Variants in CLSTN2 observed in about 807,000 individuals in gnomAD.
The protein encoded by CLSTN2 is calsyntenin 2.
Under a neutral mutation model 101.2 loss-of-function variants are expected in CLSTN2, and 48 were observed. The observed-to-expected ratio is 0.47, with a 90% CI of 0.38 to 0.60. The LOEUF (loss-of-function observed/expected upper bound fraction) is 0.60. Ranked by LOEUF, CLSTN2 falls within the 20% of genes least tolerant of loss-of-function variation. The pLI, the probability that CLSTN2 is intolerant of heterozygous loss-of-function variation, is 0.00. For synonymous variants in CLSTN2, 481 were observed against 463.6 expected (o/e 1.04, Z -0.48); for missense variants, 1,160 against 1,238.2 (o/e 0.94, Z 0.95).
At chr3:140,055,469 G>A (rs903956551) in intron 1 of CLSTN2, among the ~76,000 whole-genome samples, 4 of 152,134 alleles carry the variant, frequency 2.6e-5, no homozygotes, top group Non-Finnish European at 5.9e-5. Flanking sequence ...TTTTACATTC[G>A]AGTTTTGCCA....
chr3:140,094,786 C>T (rs148230398), intron 1 of CLSTN2, among the ~76,000 whole-genome samples: 315 of 152,302 alleles, frequency 2.1e-3, no homozygotes, highest in African/African-American at 7.3e-3. Context: ...TGTCAGGGGG[C>T]TCTCCTTGAA....
Position 140,546,512 on chromosome 3 carries a change from CAGG to C in CLSTN2, c.1511_1513del (p.Gly504del), listed in dbSNP as rs1935586811. On this transcript the variant is annotated splice_acceptor_variant and coding_sequence_variant, in exon 10 of 17. Coordinates refer to ENST00000458420, the MANE Select transcript of CLSTN2 (RefSeq NM_022131.3). LOFTEE classifies it high-confidence loss of function. ...GGGCAAATGATGGTGTTTGTTTTTT[CAGG>C]AGGAGAAGTCACCAAACCACAGTTT... 8 of 1,612,132 alleles carry C rather than the reference CAGG, an allele frequency of 5.0e-6. No individual in the cohort carries two copies. Among genetic ancestry groups the C allele is most frequent in the African/African-American group, 1.3e-5 (1 of 74,744 alleles).
intron 1 of CLSTN2, among the ~76,000 whole-genome samples, chr3:140,003,949 A>G (rs955115025): frequency 1.3e-5 from 2 of 152,176 alleles, no homozygotes; most frequent in Non-Finnish European, 2.9e-5. Flanking sequence ...TTATTGATCA[A>G]ATTTTCTCGC....
intron 2 of CLSTN2, among the ~76,000 whole-genome samples, chr3:140,388,895 T>G (rs1036286372): frequency 2.2e-4 from 34 of 152,218 alleles, no homozygotes; most frequent in African/African-American, 8.2e-4. Flanking sequence ...AGTTACCAAT[T>G]TACTGAGAGA....
At chr3:139,960,558 GCCAC>G (rs1222929929) in intron 1 of CLSTN2, among the ~76,000 whole-genome samples, 1 of 152,216 alleles carries the variant, frequency 6.6e-6, no homozygotes, top group Non-Finnish European at 1.5e-5. Flanking sequence ...CTGGGTTTGA[GCCAC>G]TAGTACCCAC....
At chr3:140,500,124 A>G (rs1291842494) in intron 8 of CLSTN2, among the ~76,000 whole-genome samples, 1 of 152,088 alleles carries the variant, frequency 6.6e-6, no homozygotes, top group African/African-American at 2.4e-5. Flanking sequence ...AGGGAACTTC[A>G]TGGGGAGCTC....
chr3:139,993,665 T>G, intron 1 of CLSTN2, among the ~76,000 whole-genome samples: 1 of 152,238 alleles, frequency 6.6e-6, no homozygotes, highest in Non-Finnish European at 1.5e-5. Flanking sequence ...GATGTTGTTC[T>G]GATGACTTTA....
chr3:140,170,528 C>T (rs1345011814), intron 1 of CLSTN2, among the ~76,000 whole-genome samples: 1 of 152,062 alleles, frequency 6.6e-6, no homozygotes, highest in East Asian at 1.9e-4. Context: ...AATTATTTCC[C>T]AAAGGGGTTG....
intron 2 of CLSTN2, among the ~76,000 whole-genome samples, chr3:140,308,686 G>A (rs917731774): frequency 2.6e-5 from 4 of 152,190 alleles, no homozygotes; most frequent in African/African-American, 4.8e-5. Flanking sequence ...TCTGGATGTT[G>A]ACAGTGTTGA....
intron 1 of CLSTN2, among the ~76,000 whole-genome samples, chr3:140,168,689 A>T (rs997346282): frequency 6.6e-6 from 1 of 152,098 alleles, no homozygotes; most frequent in African/African-American, 2.4e-5. Flanking sequence ...AGCACAATAC[A>T]ACTGGAGTTT....
At chr3:140,243,515 C>A (rs1252831754) in intron 2 of CLSTN2, among the ~76,000 whole-genome samples, 1 of 152,138 alleles carries the variant, frequency 6.6e-6, no homozygotes, top group Non-Finnish European at 1.5e-5. Flanking sequence ...GCTTGTGCAC[C>A]TATGTGTGCA....
At chr3:140,535,157 C>T (rs1475012378) in intron 9 of CLSTN2, among the ~76,000 whole-genome samples, 1 of 152,228 alleles carries the variant, frequency 6.6e-6, no homozygotes, top group Admixed American at 6.5e-5. Context: ...TGCACACATA[C>T]CATACAACAG....
At chr3:139,984,871 T>A (rs578186544) in intron 1 of CLSTN2, among the ~76,000 whole-genome samples, 29 of 152,338 alleles carry the variant, frequency 1.9e-4, no homozygotes, top group African/African-American at 6.7e-4. Flanking sequence ...CAAAACAGAA[T>A]GCTTCTTCCC....
At position 140,064,675 on chromosome 3, in the gene CLSTN2, T is replaced by C. The variant is rs138455272; in HGVS notation, c.110-111276T>C. ...ATCCAACACAAGAAGTTAAAAAAGATTCATCTGAGGAAATTAAGAAGCAAT... is the reference window on the plus strand; with the variant it reads ...ATCCAACACAAGAAGTTAAAAAAGACTCATCTGAGGAAATTAAGAAGCAAT... On this transcript the variant is annotated intron_variant, in intron 1 of 16. Transcript: ENST00000458420. 5.0e-3 allele frequency among the ~76,000 whole-genome samples: 760 copies of C among 152,280 alleles called. 5 individuals carry two copies. The highest frequency in any genetic ancestry group is 0.017 in the African/African-American group (692 of 41,574).
At chr3:140,043,359 G>A (rs1214154854) in intron 1 of CLSTN2, among the ~76,000 whole-genome samples, 1 of 152,062 alleles carries the variant, frequency 6.6e-6, no homozygotes, top group Non-Finnish European at 1.5e-5. Context: ...TTGCCCACAT[G>A]TTGATGGGGT....
chr3:140,505,326 T>C (rs1422082539), intron 8 of CLSTN2, among the ~76,000 whole-genome samples: 1 of 152,200 alleles, frequency 6.6e-6, no homozygotes, highest in Non-Finnish European at 1.5e-5. Context: ...GGGAAGTCCC[T>C]GTGGTGAAAG....
intron 5 of CLSTN2, among the ~76,000 whole-genome samples, chr3:140,428,010 T>C (rs1485239063): frequency 6.6e-6 from 1 of 152,144 alleles, no homozygotes; most frequent in African/African-American, 2.4e-5. Flanking sequence ...GTAGTACCCT[T>C]GGAGGCTGTC....
intron 1 of CLSTN2, among the ~76,000 whole-genome samples, chr3:140,131,542 T>C (rs2009523575): frequency 6.6e-6 from 1 of 152,192 alleles, no homozygotes; most frequent in Non-Finnish European, 1.5e-5. Flanking sequence ...AGTTCACATT[T>C]AGAATGAATA....
intron 1 of CLSTN2, among the ~76,000 whole-genome samples, chr3:140,173,218 CA>C (rs1357567015): frequency 6.6e-6 from 1 of 152,154 alleles, no homozygotes; most frequent in Admixed American, 6.5e-5. Context: ...TTGGCCAAAA[CA>C]AAAGGGCTAC....
Sources: gnomAD v4.1 joint callset for allele counts (sites outside exome capture counted in the v4.1 genomes callset) on GRCh38, gnomAD v4.1.1 for gene constraint, MANE v1.5 for transcripts, NCBI Gene and HGNC (gene_info 2026-07-23, HGNC 2026-07-21) for gene names.